The following TGM6 variants were observed in gnomAD, a reference collection of about 807,000 sequenced individuals.
TGM6 encodes transglutaminase 6.
In TGM6, 74 loss-of-function variants were observed where a neutral mutation model predicts 77.5. The observed-to-expected ratio is 0.96, with a 90% CI of 0.79 to 1.16. The LOEUF (loss-of-function observed/expected upper bound fraction) is 1.16. Among genes scored for constraint, TGM6 ranks in the 50% most tolerant of loss-of-function variants. TGM6 has a pLI of 0.00. For missense variants in TGM6, 968 were observed against 940.2 expected (o/e 1.03, Z -0.39); for synonymous variants, 383 against 378.9 (o/e 1.01, Z -0.12).
At chr20:2,413,246 C>T (rs1310769840) in intron 9 of TGM6, among the ~76,000 whole-genome samples, 1 of 152,098 alleles carries the variant, frequency 6.6e-6, no homozygotes, top group Non-Finnish European at 1.5e-5. Flanking sequence ...ACGACTTCAT[C>T]TCTACAAAAA....
Position 2,384,719 on chromosome 20 carries a change from G to C in TGM6, c.7+3744G>C, listed in dbSNP as rs371535773. 1.7e-4 allele frequency among the ~76,000 whole-genome samples: 26 copies of C among 152,282 alleles called. No homozygotes were observed. The East Asian group carries it at 3.7e-3, about 21-fold the overall frequency. On this transcript the variant is annotated intron_variant, in intron 1 of 12. Transcript: ENST00000202625. ...CTCTGAAATCAGGCTTCTAGTTGCT[G>C]TGCAGAGTGAAAGGAAGCGCTGAGA...
intron 1 of TGM6, among the ~76,000 whole-genome samples, chr20:2,385,882 G>A (rs2084591734): frequency 6.6e-6 from 1 of 152,210 alleles, no homozygotes; most frequent in Non-Finnish European, 1.5e-5. Context: ...ACCCAGGGAG[G>A]GGGAGACTCA....
chr20:2,426,914 G>A (rs1046721382), intron 10 of TGM6, among the ~76,000 whole-genome samples: 28 of 152,128 alleles, frequency 1.8e-4, no homozygotes, highest in African/African-American at 6.0e-4. Flanking sequence ...CCAATATTTT[G>A]TGGGAATTTT....
At chr20:2,390,043 T>G (rs2084620183) in intron 1 of TGM6, among the ~76,000 whole-genome samples, 1 of 152,210 alleles carries the variant, frequency 6.6e-6, no homozygotes, top group Admixed American at 6.5e-5. Context: ...AAAGCCCTGC[T>G]TCTTTGAACT....
intron 9 of TGM6, among the ~76,000 whole-genome samples, chr20:2,415,463 T>C (rs866841304): frequency 1.2e-4 from 19 of 152,204 alleles, no homozygotes; most frequent in African/African-American, 4.1e-4. Flanking sequence ...AGTGCCTTGC[T>C]TGTGGGCCTC....
intron 3 of TGM6, among the ~76,000 whole-genome samples, chr20:2,396,017 C>G (rs149554952): frequency 0.013 from 2,003 of 151,924 alleles, 49 homozygotes; most frequent in African/African-American, 0.045. Flanking sequence ...CCCGTCTCTA[C>G]TAAAAATACA....
In TGM6 at chr20:2,417,785, A is replaced by T. The variant is rs142787317; in HGVS notation, c.1678+212A>T. Among the ~76,000 whole-genome samples the T allele has an allele frequency of 2.4e-3, 371 of 152,330 alleles. 2 individuals are homozygous for T. The highest frequency in any genetic ancestry group is 4.2e-3 in the Non-Finnish European group (285 of 68,038). ...GCAAAACACTAATAACAGTAATGCA[A>T]GTCCACATGCATCTGGTGGCAATCT... On this transcript the variant is annotated intron_variant, in intron 10 of 12. Coordinates refer to ENST00000202625, the MANE Select transcript of TGM6 (RefSeq NM_198994.3).
chr20:2,400,798 G>A (rs1355457936), intron 7 of TGM6, among the ~76,000 whole-genome samples: 2 of 152,086 alleles, frequency 1.3e-5, no homozygotes, highest in Non-Finnish European at 2.9e-5. Context: ...CGTATCAGCT[G>A]CGGTTCTCCG....
chr20:2,430,661 G>C (rs1052842607), intron 11 of TGM6, 61 bp downstream of exon 11: 2 of 1,610,854 alleles, frequency 1.2e-6, no homozygotes, highest in East Asian at 4.5e-5. Context: ...AGAGCTGGGG[G>C]AGGGCGTCAG....
At chr20:2,389,009 C>A (rs1233688755) in intron 1 of TGM6, among the ~76,000 whole-genome samples, 2 of 152,200 alleles carry the variant, frequency 1.3e-5, no homozygotes, top group Admixed American at 1.3e-4. Context: ...GACGTTGGTA[C>A]ATTTTCAGCA....
At position 2,396,527 on chromosome 20, in the gene TGM6, C is replaced by G; in HGVS notation, c.446C>G (p.Ser149Ter). The change falls in exon 4 of 13, where the codon TCA (serine) becomes TGA (stop). Residue 149 changes from serine (S) to a stop codon, truncating the protein, a stop_gained. Coordinates refer to ENST00000202625, the MANE Select transcript of TGM6 (RefSeq NM_198994.3). LOFTEE classifies it high-confidence loss of function. ...WCAEDDVFLA[S>*]EEERQEYVLS... is the part of the protein sequence containing the mutation. ...TCAGAGGACGATGTGTTTCTGGCCT[C>G]AGAGGAGGAGAGACAGGAGTACGTG... The G allele has an allele frequency of 1.2e-6, 2 of 1,614,198 alleles. No homozygotes were observed. The highest frequency in any genetic ancestry group is 1.7e-6 in the Non-Finnish European group (2 of 1,180,026).
chr20:2,404,641 C>CTT (rs112338778), intron 9 of TGM6, among the ~76,000 whole-genome samples: 14 of 147,402 alleles, frequency 9.5e-5, no homozygotes, highest in Non-Finnish European at 1.2e-4. Context: ...TCTGGTTGCA[C>CTT]TTTTTTTTTT....
intron 1 of TGM6, among the ~76,000 whole-genome samples, chr20:2,391,361 A>C (rs192631077): frequency 2.6e-5 from 4 of 152,206 alleles, no homozygotes; most frequent in Admixed American, 2.0e-4. Flanking sequence ...GGAACATCTC[A>C]GAAGACAATC....
intron 1 of TGM6, among the ~76,000 whole-genome samples, chr20:2,391,251 T>G (rs1470646327): frequency 6.6e-6 from 1 of 151,980 alleles, no homozygotes; most frequent in Non-Finnish European, 1.5e-5. Flanking sequence ...CATAAGCACT[T>G]GAATACATAC....
Position 2,396,431 on chromosome 20 carries a change from C to T in TGM6, c.425-75C>T, listed in dbSNP as rs2084667687. 7.5e-6 allele frequency: 11 copies of T among 1,464,986 alleles called. No homozygotes were observed. The East Asian group carries it at 2.0e-4, about 27-fold the overall frequency. 90.7% of individuals were successfully genotyped at this position (1,464,986 alleles called of 1,614,324 possible). A position where few individuals can be genotyped will look rare whatever the true frequency, so the allele number is the denominator to read the frequency against. The stretch of plus-strand genomic sequence containing the variant: ...CTCCGGGCGCTGCCCTGCTGCTGAT[C>T]CCTGATGCAGCCCCTTCCCCAGGCC... On this transcript the variant is annotated intron_variant, in intron 3 of 12. Coordinates refer to ENST00000202625, the MANE Select transcript of TGM6 (RefSeq NM_198994.3).
chr20:2,383,401 G>A (rs2084569270), intron 1 of TGM6, among the ~76,000 whole-genome samples: 1 of 152,170 alleles, frequency 6.6e-6, no homozygotes, highest in Non-Finnish European at 1.5e-5. Flanking sequence ...GTCGGCAGGA[G>A]GCAATGTTCT....
chr20:2,425,161 C>T (rs1305940850), intron 10 of TGM6, among the ~76,000 whole-genome samples: 1 of 151,956 alleles, frequency 6.6e-6, no homozygotes, highest in Non-Finnish European at 1.5e-5. Context: ...GGCAACACAG[C>T]AATACCCCAT....
At chr20:2,415,516 C>A (rs138633434) in intron 9 of TGM6, among the ~76,000 whole-genome samples, 34 of 152,112 alleles carry the variant, frequency 2.2e-4, no homozygotes, top group Non-Finnish European at 4.4e-4. Context: ...CTTGCCGGGA[C>A]AGATTAATGA....
At chr20:2,399,970 G>C (rs2084695182) in intron 6 of TGM6, among the ~76,000 whole-genome samples, 1 of 152,118 alleles carries the variant, frequency 6.6e-6, no homozygotes, top group South Asian at 2.1e-4. Context: ...TGAGTGCCTT[G>C]GGCGAGCCCT....
Sources: allele counts gnomAD v4.1 joint callset (sites outside exome capture counted in the v4.1 genomes callset), GRCh38; gene constraint gnomAD v4.1.1; transcripts MANE v1.5; gene names NCBI Gene and HGNC (gene_info 2026-07-23, HGNC 2026-07-21).